SYNE1: variants seen among roughly 807,000 people sequenced by gnomAD.
SYNE1 encodes nesprin-1.
In SYNE1, 616 loss-of-function variants were observed where a neutral mutation model predicts 1,111.0. That is an observed-to-expected ratio of 0.55 (90% confidence interval 0.52 to 0.59). The LOEUF is 0.59. SYNE1 is among the 20% of genes least tolerant of loss of function. SYNE1 has a pLI of 0.00. For missense variants in SYNE1, 10,006 were observed against 10,417.0 expected (o/e 0.96, Z 1.72); for synonymous variants, 3,855 against 3,825.8 (o/e 1.01, Z -0.28).
intron 3 of SYNE1, among the ~76,000 whole-genome samples, chr6:152,541,265 T>G (rs2099268201): frequency 6.6e-6 from 1 of 152,218 alleles, no homozygotes; most frequent in East Asian, 1.9e-4. Flanking sequence ...AAGCATGGGA[T>G]GCTTTTCCAT....
rs1489688019 is a variant in SYNE1, at chr6:152,409,111, A to G, written c.6497T>C (p.Leu2166Ser). 5 of 1,614,058 alleles carry G rather than the reference A, an allele frequency of 3.1e-6. No individual in the cohort carries two copies. The African/African-American group carries it at 6.7e-5, about 22-fold the overall frequency. ...GGTGCTCTCCATGTCTGTTTTCACC[A>G]AGCTGAAATCACTACTGTGAATTTT... is the stretch of plus-strand genomic sequence containing the variant. Reference protein sequence around the residue: ...LKKIHSSDFSLVKTDMESTVD... With the variant: ...LKKIHSSDFSSVKTDMESTVD... The change falls in exon 44 of 146, where the codon TTG (leucine) becomes TCG (serine). Residue 2166 changes from leucine (L) to serine (S), a missense_variant. Leu to Ser is a moderately radical substitution (Grantham distance 145). Coordinates refer to ENST00000367255, the MANE Select transcript of SYNE1 (RefSeq NM_182961.4).
At chr6:152,466,136 A>C (rs1593272953) in intron 16 of SYNE1, 58 bp from the exon 17 acceptor site, 1 of 1,153,790 alleles carries the variant, frequency 8.7e-7, no homozygotes, top group Admixed American at 1.7e-5. Context: ...AGAATGCCAA[A>C]GTCAATTTTC....
chr6:152,215,082 A>G, intron 121 of SYNE1, 22 bp from the exon 122 acceptor site: 1 of 1,613,692 alleles, frequency 6.2e-7, no homozygotes. Context: ...ATTTAAAAGT[A>G]GGTTTAGCAC....
chr6:152,146,549 GCCATATGC>G (rs769849185), intron 137 of SYNE1: 1 of 152,168 alleles, frequency 6.6e-6, no homozygotes, highest in Non-Finnish European at 1.5e-5. Flanking sequence ...TGCTTCAGAT[GCCATATGC>G]CTGACTAATA....
At chr6:152,408,689 C>A (rs1238719739) in intron 44 of SYNE1, among the ~76,000 whole-genome samples, 1 of 152,126 alleles carries the variant, frequency 6.6e-6, no homozygotes, top group Non-Finnish European at 1.5e-5. Context: ...TGCGGTGGCT[C>A]ACAAATGTAA....
chr6:152,532,610 T>C (rs73782878), intron 4 of SYNE1, among the ~76,000 whole-genome samples: 363 of 152,238 alleles, frequency 2.4e-3, no homozygotes, highest in African/African-American at 8.6e-3. Flanking sequence ...TGACCTGAGA[T>C]AGTCACAACA....
intron 8 of SYNE1, 122 bp downstream of exon 8, chr6:152,510,071 C>T (rs1198285952): frequency 1.9e-5 from 19 of 994,248 alleles, no homozygotes; most frequent in East Asian, 4.8e-5. Context: ...GTGAAATAAG[C>T]GCTAAAGCAA....
At chr6:152,297,936 A>C (rs926547928) in intron 93 of SYNE1, among the ~76,000 whole-genome samples, 2 of 152,206 alleles carry the variant, frequency 1.3e-5, no homozygotes, top group East Asian at 3.8e-4. Context: ...TTTGAGGTAC[A>C]TACATAAATT....
In SYNE1 at chr6:152,466,031, G is replaced by A. The variant is rs2098764555; in HGVS notation, c.1680C>T (p.Tyr560=). 6 of 1,612,824 alleles carry A rather than the reference G, an allele frequency of 3.7e-6. No individual in the cohort carries two copies. The highest frequency in any genetic ancestry group is 5.1e-6 in the Non-Finnish European group (6 of 1,179,162). Residue 560 remains tyrosine (Y), a synonymous_variant, in exon 17 of 146, where the codon TAC becomes TAT. Transcript: ENST00000367255. ...TCTCAGCTGTCTGTTTCAAGATCTG[G>A]TATGTCACCTCATATTGTTCAAAGA... is the stretch of plus-strand genomic sequence containing the variant. ...SKFFEQYEVT[Y]QILKQTAEMY...
chr6:152,134,926 C>T (rs1165281454), intron 142 of SYNE1, 178 bp downstream of exon 142: 13 of 701,934 alleles, frequency 1.9e-5, no homozygotes, highest in Admixed American at 5.6e-5. Flanking sequence ...ATCTTCTATG[C>T]ACATGTTTGC....
At chr6:152,566,396 C>T (rs117723264) in intron 3 of SYNE1, among the ~76,000 whole-genome samples, 2,324 of 150,510 alleles carry the variant, frequency 0.015, 23 homozygotes, top group Non-Finnish European at 0.021. Context: ...ACAATACCAG[C>T]TTTGAGAAAA....
intron 78 of SYNE1, among the ~76,000 whole-genome samples, chr6:152,328,141 A>G (rs887219918): frequency 6.6e-6 from 1 of 152,150 alleles, no homozygotes; most frequent in Admixed American, 6.5e-5. Flanking sequence ...CTCTTCTACA[A>G]AGAGGGACAG....
chr6:152,158,553 G>T (rs57964718), intron 131 of SYNE1, among the ~76,000 whole-genome samples: 33,051 of 151,970 alleles, frequency 0.22, 4,266 homozygotes, highest in African/African-American at 0.36. Flanking sequence ...ATTTATATTT[G>T]TATAAACAGT....
chr6:152,304,554 T>G (rs1006276841), intron 91 of SYNE1, among the ~76,000 whole-genome samples: 8 of 152,014 alleles, frequency 5.3e-5, no homozygotes, highest in African/African-American at 1.9e-4. Flanking sequence ...GAACTCCTGA[T>G]CTCAAGTGAT....
chr6:152,236,898 C>T lies in SYNE1; in HGVS notation c.20118G>A (p.Glu6706=), dbSNP rs1419247128. ...EDQQELSRQL[E]VVESSIPSVG... ...CGCTTGGGATGCTGCTTTCCACCAC[C>T]TCCAGCTGTCTGCTGAGCTCCTGCT... Residue 6706 remains glutamate (E), a synonymous_variant, in exon 109 of 146, where the codon GAG becomes GAA. Coordinates refer to ENST00000367255, the MANE Select transcript of SYNE1 (RefSeq NM_182961.4). 2 of 1,614,058 alleles carry T rather than the reference C, an allele frequency of 1.2e-6. No individual in the cohort carries two copies. The highest frequency in any genetic ancestry group is 1.3e-5 in the African/African-American group (1 of 74,932).
In SYNE1 at chr6:152,376,551, A is replaced by G. The variant is rs756925245; in HGVS notation, c.9154T>C (p.Leu3052=). Residue 3052 remains leucine, a synonymous_variant, in exon 58 of 146, where the codon TTG becomes CTG. Transcript: ENST00000367255. ...GLIKEYNCLC[L]QASKGCQNKE... is the part of the protein sequence containing the mutation. ...TTCTGGCAGCCCTTGGATGCTTGCA[A>G]ACAAAGACTGAAAAGGTGACGCAAA... 1 of 1,613,998 alleles carries G rather than the reference A, an allele frequency of 6.2e-7. No homozygotes were observed. The highest frequency in any genetic ancestry group is 1.1e-5 in the South Asian group (1 of 91,078).
chr6:152,554,412 C>T (rs940018420), intron 3 of SYNE1, among the ~76,000 whole-genome samples: 1 of 151,586 alleles, frequency 6.6e-6, no homozygotes, highest in African/African-American at 2.4e-5. Flanking sequence ...TGTTCAAGGC[C>T]CACTTTTGCA....
intron 93 of SYNE1, among the ~76,000 whole-genome samples, chr6:152,296,079 G>A (rs920862515): frequency 6.6e-6 from 1 of 152,196 alleles, no homozygotes; most frequent in South Asian, 2.1e-4. Context: ...TCTCACCCTC[G>A]ATCCACTTCT....
intron 16 of SYNE1, among the ~76,000 whole-genome samples, chr6:152,471,241 G>A (rs928436497): frequency 7.2e-5 from 11 of 152,042 alleles, no homozygotes; most frequent in African/African-American, 2.7e-4. Flanking sequence ...AGACATGAAG[G>A]TAATCTTTAA....
Sources: gnomAD v4.1 joint callset for allele counts (sites outside exome capture counted in the v4.1 genomes callset) on GRCh38, gnomAD v4.1.1 for gene constraint, MANE v1.5 for transcripts, NCBI Gene and HGNC (gene_info 2026-07-23, HGNC 2026-07-21) for gene names.